PAFAH2: variants seen among roughly 807,000 people sequenced by gnomAD.
PAFAH2 encodes platelet activating factor acetylhydrolase 2, also known as platelet-activating factor acetylhydrolase 2, cytoplasmic.
In PAFAH2, 42 loss-of-function variants were observed where a neutral mutation model predicts 49.0. The ratio of observed to expected loss-of-function variants is 0.86; its 90% CI spans 0.67 to 1.11. PAFAH2 has a LOEUF of 1.11. Among genes scored for constraint, PAFAH2 ranks in the 50% least tolerant of loss-of-function variants. The pLI, the probability that PAFAH2 is intolerant of heterozygous loss-of-function variation, is 0.00. For synonymous variants in PAFAH2, 184 were observed against 181.3 expected (o/e 1.01, Z -0.12); for missense variants, 503 against 501.8 (o/e 1.00, Z -0.02).
At chr1:25,963,505 G>T (rs545684357) in intron 10 of PAFAH2, among the ~76,000 whole-genome samples, 5 of 152,134 alleles carry the variant, frequency 3.3e-5, no homozygotes, top group Admixed American at 2.6e-4. Flanking sequence ...AATGTTTTTT[G>T]TTTGTTTGTT....
intron 1 of PAFAH2, among the ~76,000 whole-genome samples, chr1:25,991,647 C>T (rs890214916): frequency 2.0e-5 from 3 of 148,934 alleles, no homozygotes; most frequent in African/African-American, 7.4e-5. Context: ...AATCCAAGCA[C>T]TTTGGGAGGT....
chr1:25,997,039 T>C (rs2049946333), intron 1 of PAFAH2, among the ~76,000 whole-genome samples: 1 of 152,228 alleles, frequency 6.6e-6, no homozygotes, highest in African/African-American at 2.4e-5. Flanking sequence ...GGGCTTAGGT[T>C]GCAGCTGTCC....
intron 3 of PAFAH2, among the ~76,000 whole-genome samples, chr1:25,988,665 T>C (rs1049059444): frequency 6.0e-4 from 90 of 151,010 alleles, no homozygotes; most frequent in African/African-American, 2.2e-3. Flanking sequence ...TAGCTGGGCG[T>C]GGTGGCGGGC....
intron 10 of PAFAH2, among the ~76,000 whole-genome samples, chr1:25,964,670 G>A (rs555845368): frequency 1.3e-5 from 2 of 151,700 alleles, no homozygotes; most frequent in Non-Finnish European, 2.9e-5. Context: ...ACAAAAACAA[G>A]AACAAAACAA....
chr1:25,989,386 G>A, intron 3 of PAFAH2, 62 bp downstream of exon 3: 1 of 1,449,532 alleles, frequency 6.9e-7, no homozygotes, highest in South Asian at 1.5e-5. Flanking sequence ...GTCCACCTGG[G>A]GATCTCCCAG....
chr1:25,986,745 A>G (rs1221261403), intron 4 of PAFAH2, among the ~76,000 whole-genome samples: 3 of 151,880 alleles, frequency 2.0e-5, no homozygotes, highest in Admixed American at 1.3e-4. Flanking sequence ...TGGTCAGGCT[A>G]GTCTCGAACT....
chr1:25,976,660 G>A (rs758105446), intron 8 of PAFAH2, 22 bp downstream of exon 8: 2 of 1,558,924 alleles, frequency 1.3e-6, no homozygotes, highest in South Asian at 2.2e-5. Context: ...GCTAAGCACA[G>A]CAACACTACT....
chr1:25,979,738 C>G (rs1187963804), intron 7 of PAFAH2, among the ~76,000 whole-genome samples: 1 of 152,168 alleles, frequency 6.6e-6, no homozygotes, highest in African/African-American at 2.4e-5. Flanking sequence ...GGTCCGCCCG[C>G]CTCAGCCTCC....
intron 10 of PAFAH2, among the ~76,000 whole-genome samples, chr1:25,963,020 C>T (rs1421396736): frequency 6.6e-6 from 1 of 152,076 alleles, no homozygotes; most frequent in East Asian, 1.9e-4. Flanking sequence ...CCTGAGCTCA[C>T]AGCCAATAGG....
chr1:25,994,133 G>A (rs1043549156), intron 1 of PAFAH2, among the ~76,000 whole-genome samples: 14 of 145,670 alleles, frequency 9.6e-5, no homozygotes, highest in Non-Finnish European at 2.1e-4. Flanking sequence ...CAGCTCATTT[G>A]GTGCCTAGCT....
chr1:25,988,878 C>T (rs982919092), intron 3 of PAFAH2, among the ~76,000 whole-genome samples: 7 of 150,270 alleles, frequency 4.7e-5, no homozygotes, highest in Middle Eastern at 3.2e-3. Context: ...AGTACTGAAC[C>T]CGGGGTAAAC....
intron 10 of PAFAH2, chr1:25,964,220 A>G (rs754043939): frequency 2.0e-5 from 3 of 152,356 alleles, no homozygotes; most frequent in Non-Finnish European, 2.9e-5. Flanking sequence ...CAGCACATAT[A>G]CTAAAACTGG....
chr1:25,984,814 A>C (rs2049755231), intron 4 of PAFAH2, among the ~76,000 whole-genome samples: 2 of 150,386 alleles, frequency 1.3e-5, no homozygotes, highest in South Asian at 4.2e-4. Context: ...TAGGGAAGGC[A>C]GTGAACTGGA....
intron 6 of PAFAH2, among the ~76,000 whole-genome samples, chr1:25,983,418 A>G (rs1224003657): frequency 6.6e-6 from 1 of 151,978 alleles, no homozygotes; most frequent in Non-Finnish European, 1.5e-5. Context: ...TTAGCTGCGC[A>G]TAGTGGTGCA....
intron 7 of PAFAH2, 109 bp from the exon 8 acceptor site, chr1:25,976,882 T>C (rs1280730651): frequency 4.0e-6 from 3 of 746,548 alleles, no homozygotes; most frequent in African/African-American, 1.7e-5. Context: ...AAAGGCACAA[T>C]ACAGCAAGTG....
intron 9 of PAFAH2, among the ~76,000 whole-genome samples, chr1:25,973,828 C>T (rs1377880863): frequency 6.6e-6 from 1 of 152,138 alleles, no homozygotes; most frequent in Non-Finnish European, 1.5e-5. Flanking sequence ...CCGCTGGGCT[C>T]AACTGCAGGG....
In PAFAH2 at chr1:25,961,883, G is replaced by A; in HGVS notation, c.*106C>T. 2 of 715,642 alleles carry A rather than the reference G, an allele frequency of 2.8e-6. No homozygotes were observed. The allele number at this position is 715,642 out of a possible 1,614,324, so 44.3% of individuals were successfully genotyped here. On this transcript the variant is annotated 3_prime_UTR_variant, in exon 11 of 11. Coordinates refer to ENST00000374282, the MANE Select transcript of PAFAH2 (RefSeq NM_000437.4). The stretch of plus-strand genomic sequence containing the variant: ...AGTGTGATTACACCTTTCAATCTGT[G>A]AAAAGGGGTCACGTTGATCACTTCT...
intron 8 of PAFAH2, 146 bp from the exon 9 acceptor site, chr1:25,974,796 G>T: frequency 1.6e-6 from 1 of 625,160 alleles, no homozygotes; most frequent in Non-Finnish European, 2.8e-6. Flanking sequence ...ACGGCCTTCA[G>T]TCAGGATCTT....
chr1:25,963,717 G>A (rs2049376668), intron 10 of PAFAH2, among the ~76,000 whole-genome samples: 1 of 152,172 alleles, frequency 6.6e-6, no homozygotes, highest in South Asian at 2.1e-4. Flanking sequence ...CGGCCAGGAC[G>A]GTCTCGATCT....
Sources: allele counts gnomAD v4.1 joint callset (sites outside exome capture counted in the v4.1 genomes callset), GRCh38; gene constraint gnomAD v4.1.1; transcripts MANE v1.5; gene names NCBI Gene and HGNC (gene_info 2026-07-23, HGNC 2026-07-21).